Variants in GPR158 observed in about 807,000 individuals in gnomAD.
GPR158 encodes the protein metabotropic glycine receptor.
GPR158 carries 30 observed loss-of-function variants against 78.2 expected under a neutral mutation model. The observed-to-expected ratio is 0.38, with a 90% CI of 0.29 to 0.52. The LOEUF (loss-of-function observed/expected upper bound fraction) is 0.52, where lower values mean the gene tolerates loss of function less well. Among genes scored for constraint, GPR158 ranks in the 20% least tolerant of loss-of-function variants. The pLI is 0.83. For synonymous variants in GPR158, 581 were observed against 591.1 expected (o/e 0.98, Z 0.25); for missense variants, 1,463 against 1,523.5 (o/e 0.96, Z 0.66).
intron 4 of GPR158, among the ~76,000 whole-genome samples, chr10:25,438,950 A>T (rs1360298450): frequency 6.6e-6 from 1 of 152,216 alleles, no homozygotes; most frequent in African/African-American, 2.4e-5. Context: ...GTGTCCACAA[A>T]TACAGTTTTA....
At chr10:25,218,869 T>G (rs989779009) in intron 1 of GPR158, among the ~76,000 whole-genome samples, 25 of 150,624 alleles carry the variant, frequency 1.7e-4, no homozygotes, top group Non-Finnish European at 3.4e-4. Context: ...TTTTTTTTTT[T>G]GTATAGTATA....
At chr10:25,215,320 CAT>C (rs1695121861) in intron 1 of GPR158, among the ~76,000 whole-genome samples, 1 of 152,034 alleles carries the variant, frequency 6.6e-6, no homozygotes, top group African/African-American at 2.4e-5. Context: ...TAGTTAAACT[CAT>C]AGAGACAGAA....
At chr10:25,341,817 C>G (rs1434448333) in intron 2 of GPR158, among the ~76,000 whole-genome samples, 2 of 151,066 alleles carry the variant, frequency 1.3e-5, no homozygotes, top group African/African-American at 4.9e-5. Flanking sequence ...TAAGTCCATC[C>G]TTTATATGTA....
rs960137517 is a variant in GPR158 at position 25,349,632 on chromosome 10, A to G, written c.1009-46279A>G. On this transcript the variant is annotated intron_variant, in intron 2 of 10. Transcript: ENST00000376351. ...TGCTTCCCCTTCACCTTCTTCCATGATTGTAAGTTTCCTGAGGCCTCCCAA... is the reference window on the plus strand; with the variant it reads ...TGCTTCCCCTTCACCTTCTTCCATGGTTGTAAGTTTCCTGAGGCCTCCCAA... Among the ~76,000 whole-genome samples the G allele has an allele frequency of 6.6e-4, 97 of 146,670 alleles. 5 individuals carry two copies. Among genetic ancestry groups the G allele is most frequent in the Non-Finnish European group, 1.5e-4 (10 of 67,880 alleles).
At chr10:25,285,446 A>G (rs1398942611) in intron 2 of GPR158, among the ~76,000 whole-genome samples, 13 of 152,076 alleles carry the variant, frequency 8.5e-5, no homozygotes, top group Non-Finnish European at 1.8e-4. Flanking sequence ...GGTTCAGTCT[A>G]AATTTGAAGG....
chr10:25,526,086 G>A (rs1013115005), intron 5 of GPR158, among the ~76,000 whole-genome samples: 3 of 130,092 alleles, frequency 2.3e-5, no homozygotes, highest in Admixed American at 9.1e-5. Context: ...CAGCCTGGGC[G>A]ACAGTCCAAT....
Position 25,551,051 on chromosome 10 carries a change from A to G in GPR158, c.1480A>G (p.Thr494Ala), listed in dbSNP as rs755687892. The G allele has an allele frequency of 3.7e-6, 6 of 1,605,506 alleles. No homozygotes were observed. The Admixed American group carries it at 8.3e-5, about 22-fold the overall frequency. ...ATGGGCTCGTCTTCTCGGTTTTGCT[A>G]CTGTTTACGGAACTGTCACTCTCAA... ...LRWARLLGFA[T>A]VYGTVTLKLH... The change falls in exon 6 of 11, where the codon ACT (threonine) becomes GCT (alanine). Residue 494 changes from threonine (T) to alanine (A), a missense_variant. Thr to Ala is a moderately conservative substitution (Grantham distance 58). Transcript: ENST00000376351.
chr10:25,561,117 T>C (rs756029654), intron 6 of GPR158, among the ~76,000 whole-genome samples: 150 of 152,344 alleles, frequency 9.8e-4, no homozygotes, highest in Non-Finnish European at 4.9e-4. Context: ...CAATTAGTGA[T>C]GTTTCCCTTT....
intron 2 of GPR158, among the ~76,000 whole-genome samples, chr10:25,260,051 C>T (rs774885852): frequency 4.6e-5 from 7 of 152,020 alleles, no homozygotes; most frequent in Non-Finnish European, 8.8e-5. Context: ...CCACTGACTA[C>T]AACCTCTAGT....
chr10:25,301,333 A>T (rs986043144), intron 2 of GPR158, among the ~76,000 whole-genome samples: 3 of 152,164 alleles, frequency 2.0e-5, no homozygotes, highest in African/African-American at 7.2e-5. Flanking sequence ...GTCCCAAAGG[A>T]TAGTCCAGTT....
At chr10:25,241,292 TTCTTTTC>T (rs1853615948) in intron 2 of GPR158, among the ~76,000 whole-genome samples, 1 of 116,264 alleles carries the variant, frequency 8.6e-6, no homozygotes, top group Non-Finnish European at 1.9e-5. Flanking sequence ...TTCTTTTCTT[TTCTTTTC>T]TTTTCTTTTC....
chr10:25,359,298 G>T (rs1051299077), intron 2 of GPR158, among the ~76,000 whole-genome samples: 1 of 152,098 alleles, frequency 6.6e-6, no homozygotes, highest in South Asian at 2.1e-4. Flanking sequence ...TGAGATACAT[G>T]TGCAGAATGT....
chr10:25,449,471 T>C (rs1480016083), intron 4 of GPR158, among the ~76,000 whole-genome samples: 1 of 152,216 alleles, frequency 6.6e-6, no homozygotes, highest in Non-Finnish European at 1.5e-5. Context: ...ATTCTAGTTG[T>C]GATAAGTGTG....
intron 6 of GPR158, among the ~76,000 whole-genome samples, chr10:25,572,378 A>G (rs1837020569): frequency 6.6e-6 from 1 of 152,204 alleles, no homozygotes; most frequent in Non-Finnish European, 1.5e-5. Flanking sequence ...CTGGAGTCTC[A>G]GCTACTTGGA....
chr10:25,412,627 C>T (rs1834607623), intron 4 of GPR158, among the ~76,000 whole-genome samples, 154 bp downstream of exon 4: 1 of 152,212 alleles, frequency 6.6e-6, no homozygotes, highest in African/African-American at 2.4e-5. Flanking sequence ...TATTCTTTAG[C>T]TGACCAGAAA....
intron 6 of GPR158, among the ~76,000 whole-genome samples, chr10:25,569,596 C>T (rs904754632): frequency 6.6e-6 from 1 of 152,172 alleles, no homozygotes; most frequent in Non-Finnish European, 1.5e-5. Flanking sequence ...CCAAACTTTG[C>T]TTCCTGCCAA....
intron 7 of GPR158, among the ~76,000 whole-genome samples, chr10:25,588,477 G>T (rs1418776284): frequency 6.6e-6 from 1 of 152,166 alleles, no homozygotes; most frequent in Non-Finnish European, 1.5e-5. Flanking sequence ...ACAAAACAAG[G>T]TTTTATTTAT....
chr10:25,489,881 A>C (rs2130645794), intron 5 of GPR158, among the ~76,000 whole-genome samples: 1 of 152,324 alleles, frequency 6.6e-6, no homozygotes, highest in Non-Finnish European at 1.5e-5. Flanking sequence ...TATAAATGTG[A>C]AAATTAAAAA....
At chr10:25,314,944 G>C (rs1854827600) in intron 2 of GPR158, among the ~76,000 whole-genome samples, 1 of 146,812 alleles carries the variant, frequency 6.8e-6, no homozygotes, top group South Asian at 2.1e-4. Context: ...CAGGAGGAAG[G>C]ACATTTTGTA....
Sources: gnomAD v4.1 joint callset for allele counts (sites outside exome capture counted in the v4.1 genomes callset) on GRCh38, gnomAD v4.1.1 for gene constraint, MANE v1.5 for transcripts, NCBI Gene and HGNC (gene_info 2026-07-23, HGNC 2026-07-21) for gene names.